The following SHMT2 variants were observed in gnomAD, a reference collection of about 807,000 sequenced individuals.
SHMT2 encodes the protein serine hydroxymethyltransferase 2.
In SHMT2, 38 loss-of-function variants were observed where a neutral mutation model predicts 59.6. That is an observed-to-expected ratio of 0.64 (90% CI 0.49 to 0.84). The LOEUF is 0.84. SHMT2 is among the 40% of genes least tolerant of loss of function. The probability of loss-of-function intolerance (pLI) is 0.00; values close to 1 mark genes in which losing one functional copy is unlikely to be tolerated. For missense variants in SHMT2, 533 were observed against 659.5 expected (o/e 0.81, Z 2.10); for synonymous variants, 254 against 258.1 (o/e 0.98, Z 0.15).
At chr12:57,230,450 C>A in intron 1 of SHMT2, 1 of 1,186,356 alleles carries the variant, frequency 8.4e-7, no homozygotes, top group Non-Finnish European at 1.1e-6. Context: ...TGCAGGAAGA[C>A]CCTCTTGTTC....
intron 6 of SHMT2, 38 bp from the exon 7 acceptor site, chr12:57,232,666 C>T (rs762014126): frequency 7.5e-6 from 12 of 1,607,008 alleles, no homozygotes; most frequent in Non-Finnish European, 1.0e-5. Flanking sequence ...CTCTCCGGGC[C>T]CTCCCCAGGC....
At chr12:57,231,200 TC>T (rs982713185) in intron 2 of SHMT2, 200 bp downstream of exon 2, 99 of 632,326 alleles carry the variant, frequency 1.6e-4, no homozygotes, top group African/African-American at 1.4e-3. Context: ...GCCTCCAGGG[TC>T]CCTACAGTTT....
chr12:57,232,763 G>T lies in SHMT2; in HGVS notation c.777G>T (p.Val259=), dbSNP rs781224640. Residue 259 remains valine, a synonymous_variant, in exon 7 of 12, where the codon GTG becomes GTT. Coordinates refer to ENST00000328923, the MANE Select transcript of SHMT2 (RefSeq NM_005412.6). ...ACATGGCCCACATCAGTGGCCTGGT[G>T]GCTGCCAAGGTGATTCCCTCGCCTT... ...LADMAHISGL[V]AAKVIPSPFK... 1 of 1,613,518 alleles carries T rather than the reference G, an allele frequency of 6.2e-7. No homozygotes were observed.
rs1669703332 is a variant in SHMT2 at position 57,230,965 on chromosome 12, AG to A, written c.198del (p.Arg66SerfsTer27). ...GGAGTTGCTGCAGAGGGAGAAGGAC[AG>A]GCAGTGTCGTGGCCTGGAGCTCATT... ...MWELLQREKD[R>X]QCRGLELIAS... On this transcript the variant is annotated frameshift_variant, in exon 2 of 12. Transcript: ENST00000328923. LOFTEE classifies it high-confidence loss of function. The A allele has an allele frequency of 1.2e-6, 2 of 1,613,848 alleles. No individual in the cohort carries two copies. The highest frequency in any genetic ancestry group is 1.7e-6 in the Non-Finnish European group (2 of 1,180,028).
At position 57,229,800 on chromosome 12, in the gene SHMT2, T is replaced by G; in HGVS notation, c.22T>G (p.Trp8Gly). 2 of 1,614,218 alleles carry G rather than the reference T, an allele frequency of 1.2e-6. No individual in the cohort carries two copies. Among genetic ancestry groups the G allele is most frequent in the East Asian group, 2.2e-5 (1 of 44,892 alleles). MLYFSLF[W>G]AARPLQRCGQ... ...TGCGATGCTGTACTTCTCTTTGTTTTGGGCGGCTCGGGTAAGAATGGGGCT... is the reference window on the plus strand; with the variant it reads ...TGCGATGCTGTACTTCTCTTTGTTTGGGGCGGCTCGGGTAAGAATGGGGCT... Residue 8 changes from tryptophan to glycine, a missense_variant, in exon 1 of 12, where the codon TGG (tryptophan) becomes GGG (glycine). By Grantham distance (184) the Trp-to-Gly change is radical. Coordinates refer to ENST00000328923, the MANE Select transcript of SHMT2 (RefSeq NM_005412.6).
chr12:57,233,995 C>G lies in SHMT2; in HGVS notation c.1280-8C>G. On this transcript the variant is annotated splice_region_variant and splice_polypyrimidine_tract_variant and intron_variant, in intron 10 of 11. Coordinates refer to ENST00000328923, the MANE Select transcript of SHMT2 (RefSeq NM_005412.6). ...TATGCTCATCCCTCCCCTTGTGCCT[C>G]GTTCCAGGGGCCCCAGCCTTAACTT... is the stretch of plus-strand genomic sequence containing the variant. 1 of 1,614,128 alleles carries G rather than the reference C, an allele frequency of 6.2e-7. No homozygotes were observed. The highest frequency in any genetic ancestry group is 8.5e-7 in the Non-Finnish European group (1 of 1,179,974).
At position 57,234,228 on chromosome 12, in the gene SHMT2, C is replaced by A. The variant is rs371899328; in HGVS notation, c.1388-6C>A. 3.2e-5 allele frequency: 51 copies of A among 1,611,866 alleles called. 1 individual carries two copies. The South Asian group carries it at 5.3e-4, about 17-fold the overall frequency. On this transcript the variant is annotated splice_polypyrimidine_tract_variant and splice_region_variant and intron_variant, in intron 11 of 11. Transcript: ENST00000328923. The stretch of plus-strand genomic sequence containing the variant: ...GACCACTTGTTTCCTCACCCTCTCT[C>A]TCTAGCCAAGCTCCAGGATTTCAAA...
Position 57,234,631 on chromosome 12 carries a change from C to G in SHMT2, c.*270C>G. The G allele has an allele frequency of 1.1e-5, 3 of 284,378 alleles. No individual in the cohort carries two copies. Among genetic ancestry groups the G allele is most frequent in the Non-Finnish European group, 1.3e-5 (2 of 154,534 alleles). 17.6% of individuals were successfully genotyped at this position (284,378 alleles called of 1,614,324 possible). A position where few individuals can be genotyped will look rare whatever the true frequency, so the allele number is the denominator to read the frequency against. On this transcript the variant is annotated 3_prime_UTR_variant, in exon 12 of 12. Coordinates refer to ENST00000328923, the MANE Select transcript of SHMT2 (RefSeq NM_005412.6). ...ACAGTGTCAGAGACGCGTCCTCTTT[C>G]TTGGGGAAGTTGAGGAGTGCCCTTC...
chr12:57,234,331 C>T lies in SHMT2; in HGVS notation c.1485C>T (p.Ala495=). The T allele has an allele frequency of 1.2e-6, 2 of 1,610,278 alleles. No individual in the cohort carries two copies. Reference sequence around the variant, plus strand: ...AACGGGTGGAGCAGTTTGCCAGGGCCTTCCCCATGCCTGGTTTTGATGAGC... The same window carrying T: ...AACGGGTGGAGCAGTTTGCCAGGGCTTTCCCCATGCCTGGTTTTGATGAGC... ...LRQRVEQFAR[A]FPMPGFDEH The change falls in exon 12 of 12, where the codon GCC becomes GCT. Residue 495 remains alanine, a synonymous_variant. Transcript: ENST00000328923.
At position 57,233,646 on chromosome 12, in the gene SHMT2, C is replaced by A; in HGVS notation, c.1107C>A (p.Gly369=). The change falls in exon 9 of 12, where the codon GGC becomes GGA. Residue 369 remains glycine (G), a synonymous_variant. Coordinates refer to ENST00000328923, the MANE Select transcript of SHMT2 (RefSeq NM_005412.6). ...RAMADALLER[G]YSLVSGGTDN... ...TGGCAGATGCCCTGCTAGAGCGAGG[C>A]TACTCACTGGTATCAGGTAAGCCAG... The A allele has an allele frequency of 6.2e-7, 1 of 1,614,074 alleles. No individual in the cohort carries two copies. The highest frequency in any genetic ancestry group is 8.5e-7 in the Non-Finnish European group (1 of 1,179,930).
At position 57,234,048 on chromosome 12, in the gene SHMT2, G is replaced by A. The variant is rs778832418; in HGVS notation, c.1325G>A (p.Arg442Gln). 17 of 1,614,164 alleles carry A rather than the reference G, an allele frequency of 1.1e-5. No homozygotes were observed. Among genetic ancestry groups the A allele is most frequent in the Admixed American group, 1.7e-5 (1 of 60,022 alleles). ...TSRQFREDDF[R>Q]RVVDFIDEGV... ...CGACAGTTCCGTGAGGATGACTTCC[G>A]GAGAGTTGTGGACTTTATAGATGAA... The change falls in exon 11 of 12, where the codon CGG becomes CAG. Residue 442 changes from arginine (R) to glutamine (Q), a missense_variant. Coordinates refer to ENST00000328923, the MANE Select transcript of SHMT2 (RefSeq NM_005412.6).
At chr12:57,230,521 T>G (rs1191503558) in intron 1 of SHMT2, 11 of 1,309,400 alleles carry the variant, frequency 8.4e-6, no homozygotes, top group Non-Finnish European at 1.1e-5. Context: ...AGACATAGGC[T>G]TTTGGAGGAC....
intron 4 of SHMT2, 77 bp downstream of exon 4, chr12:57,231,990 T>C (rs1733602789): frequency 1.4e-6 from 2 of 1,454,404 alleles, no homozygotes; most frequent in Non-Finnish European, 9.4e-7. Flanking sequence ...GAATACCTAC[T>C]GTGGACCATA....
intron 6 of SHMT2, 50 bp from the exon 7 acceptor site, chr12:57,232,654 G>T: frequency 6.2e-7 from 1 of 1,608,328 alleles, no homozygotes; most frequent in South Asian, 1.1e-5. Context: ...CCTTGGGCAG[G>T]CCTCTCCGGG....
rs768068900 is a variant in SHMT2, at chr12:57,234,354, A to G, written c.1508A>G (p.Glu503Gly). 1.3e-6 allele frequency: 2 copies of G among 1,590,292 alleles called. No homozygotes were observed. Among genetic ancestry groups the G allele is most frequent in the Non-Finnish European group, 1.7e-6 (2 of 1,168,304 alleles). ...ARAFPMPGFD[E>G]H ...GCCTTCCCCATGCCTGGTTTTGATG[A>G]GCATTGAAGGCACCTGGGAAATGAG... The change falls in exon 12 of 12, where the codon GAG becomes GGG. Residue 503 changes from glutamate (E) to glycine (G), a missense_variant. Coordinates refer to ENST00000328923, the MANE Select transcript of SHMT2 (RefSeq NM_005412.6).
Position 57,232,589 on chromosome 12 carries a change from G to A in SHMT2, c.717+14G>A, listed in dbSNP as rs375798229. On this transcript the variant is annotated intron_variant, in intron 6 of 11. Transcript: ENST00000328923. The stretch of plus-strand genomic sequence containing the variant: ...CGCATGAGAGAGGTTGGTGGGGGGG[G>A]CTGGAGACTGGGCACCTCCCCAGGG... The A allele has an allele frequency of 2.5e-6, 4 of 1,613,936 alleles. No individual in the cohort carries two copies. The highest frequency in any genetic ancestry group is 1.7e-5 in the Admixed American group (1 of 60,008).
At position 57,232,429 on chromosome 12, in the gene SHMT2, T is replaced by C. The variant is rs1482145854; in HGVS notation, c.595-24T>C. On this transcript the variant is annotated intron_variant, in intron 5 of 11. Coordinates refer to ENST00000328923, the MANE Select transcript of SHMT2 (RefSeq NM_005412.6). ...GCTGCCCTGCTTCCTTCTCAGGGCT[T>C]TAGCTGTTTGTGTGTCTGTCCAGCC... 6 of 1,614,014 alleles carry C rather than the reference T, an allele frequency of 3.7e-6. No homozygotes were observed. In the African/African-American group the frequency reaches 8.0e-5, roughly 22 times the overall value.
chr12:57,232,516 C>G lies in SHMT2; in HGVS notation c.658C>G (p.Leu220Val). The G allele has an allele frequency of 6.2e-7, 1 of 1,614,222 alleles. No homozygotes were observed. Among genetic ancestry groups the G allele is most frequent in the Non-Finnish European group, 8.5e-7 (1 of 1,180,030 alleles). The change falls in exon 6 of 12, where the codon CTC (leucine) becomes GTC (valine). Residue 220 changes from leucine (L) to valine (V), a missense_variant. Coordinates refer to ENST00000328923, the MANE Select transcript of SHMT2 (RefSeq NM_005412.6). ...GACTGCTCGACTTTTCCGGCCACGGCTCATCATAGCTGGCACCAGCGCCTA... is the reference window on the plus strand; with the variant it reads ...GACTGCTCGACTTTTCCGGCCACGGGTCATCATAGCTGGCACCAGCGCCTA... ...ALTARLFRPR[L>V]IIAGTSAYAR...
chr12:57,233,221 A>G lies in SHMT2; in HGVS notation c.899A>G (p.Asp300Gly). Residue 300 changes from aspartate (D) to glycine (G), a missense_variant, in exon 8 of 12, where the codon GAC becomes GGC. Asp to Gly is a moderately conservative substitution (Grantham distance 94, BLOSUM62 -1). Coordinates refer to ENST00000328923, the MANE Select transcript of SHMT2 (RefSeq NM_005412.6). Reference protein sequence around the residue: ...IFYRKGVKAVDPKTGREIPYT... With the variant: ...IFYRKGVKAVGPKTGREIPYT... ...TACCGGAAAGGGGTGAAGGCTGTGG[A>G]CCCCAAGACTGGCCGGGAGATCCCT... The G allele has an allele frequency of 6.3e-7, 1 of 1,598,296 alleles. No homozygotes were observed. The highest frequency in any genetic ancestry group is 8.5e-7 in the Non-Finnish European group (1 of 1,171,312).
Sources: gnomAD v4.1 joint callset for allele counts on GRCh38, gnomAD v4.1.1 for gene constraint, MANE v1.5 for transcripts, NCBI Gene and HGNC (gene_info 2026-07-23, HGNC 2026-07-21) for gene names.